Variants in EXOC6B observed in about 807,000 individuals in gnomAD.
EXOC6B encodes exocyst complex component 6B, also known as SEC15 homolog B.
A neutral mutation model predicts 113.5 loss-of-function variants in EXOC6B; 54 were observed. That is an observed-to-expected ratio of 0.48 (90% CI 0.38 to 0.60). The LOEUF (loss-of-function observed/expected upper bound fraction) is 0.60, where lower values mean the gene tolerates loss of function less well. EXOC6B is among the 20% of genes least tolerant of loss of function. The pLI is 0.00. For missense variants in EXOC6B, 797 were observed against 977.5 expected, an observed-to-expected ratio of 0.82 and a Z score of 2.46; for synonymous variants, 357 against 339.0, an observed-to-expected ratio of 1.05 and a Z score of -0.58.
chr2:72,295,343 T>C (rs1686065763), intron 20 of EXOC6B, among the ~76,000 whole-genome samples: 1 of 152,204 alleles, frequency 6.6e-6, no homozygotes, highest in African/African-American at 2.4e-5. Context: ...TATACATATA[T>C]TTCTAATGCC....
chr2:72,205,742 C>T (rs1679803537), intron 20 of EXOC6B, among the ~76,000 whole-genome samples: 1 of 152,206 alleles, frequency 6.6e-6, no homozygotes, highest in African/African-American at 2.4e-5. Flanking sequence ...TTAGCTCTGA[C>T]TCTCAGCAAG....
chr2:72,291,170 T>A (rs1685762675), intron 20 of EXOC6B, among the ~76,000 whole-genome samples: 1 of 152,178 alleles, frequency 6.6e-6, no homozygotes, highest in Non-Finnish European at 1.5e-5. Flanking sequence ...TGACCGAGGA[T>A]ATATTTTTAG....
At chr2:72,183,946 A>G in intron 21 of EXOC6B, 129 bp downstream of exon 21, 2 of 559,020 alleles carry the variant, frequency 3.6e-6, no homozygotes, top group Non-Finnish European at 6.5e-6. Flanking sequence ...GACAGCACCC[A>G]GGGCCTATGG....
chr2:72,338,249 A>G (rs1688809936), intron 19 of EXOC6B, among the ~76,000 whole-genome samples: 3 of 152,198 alleles, frequency 2.0e-5, no homozygotes, highest in Admixed American at 2.0e-4. Flanking sequence ...TAACACATGT[A>G]AAGCAGTTGG....
intron 6 of EXOC6B, among the ~76,000 whole-genome samples, chr2:72,589,496 T>C (rs1406694547): frequency 6.6e-6 from 1 of 151,600 alleles, no homozygotes; most frequent in African/African-American, 2.4e-5. Context: ...ATGTACTGAG[T>C]ATTCAGAATA....
At chr2:72,364,741 T>C (rs1032272042) in intron 19 of EXOC6B, among the ~76,000 whole-genome samples, 1 of 152,150 alleles carries the variant, frequency 6.6e-6, no homozygotes, top group Non-Finnish European at 1.5e-5. Context: ...AATGTGCATG[T>C]ATTTCAGCTT....
At position 72,217,408 on chromosome 2, in the gene EXOC6B, T is replaced by C. The variant is rs1482906404; in HGVS notation, c.2197-33221A>G. On this transcript the variant is annotated intron_variant, in intron 20 of 21. Transcript: ENST00000272427. ...TAAACTCAGTGGCACAGAATCAGGG[T>C]ATTAACTACCTCTGCTACACAGAGT... Among the ~76,000 whole-genome samples, 6 of 152,234 alleles carry C rather than the reference T, an allele frequency of 3.9e-5. No individual in the cohort carries two copies. The East Asian group carries it at 1.2e-3, about 29-fold the overall frequency.
At position 72,493,329 on chromosome 2, in the gene EXOC6B, C is replaced by A. The variant is rs1040805944; in HGVS notation, c.1554-900G>T. 1.8e-4 allele frequency among the ~76,000 whole-genome samples: 26 copies of A among 145,806 alleles called. 1 individual carries two copies. Among genetic ancestry groups the A allele is most frequent in the African/African-American group, 6.4e-4 (24 of 37,394 alleles). Reference sequence around the variant, plus strand: ...CCTTCTCTGTTTTTCTCCCCCCCCCCCCCCCGCATTTTTACATAGGAAGCA... The same window carrying A: ...CCTTCTCTGTTTTTCTCCCCCCCCCACCCCCGCATTTTTACATAGGAAGCA... On this transcript the variant is annotated intron_variant, in intron 15 of 21. Transcript: ENST00000272427.
chr2:72,742,800 A>G (rs1182656312), intron 1 of EXOC6B, among the ~76,000 whole-genome samples: 1 of 152,096 alleles, frequency 6.6e-6, no homozygotes, highest in African/African-American at 2.4e-5. Context: ...ATCTAATTCC[A>G]TGGCTTTAAA....
At chr2:72,591,750 A>C (rs1340485778) in intron 6 of EXOC6B, among the ~76,000 whole-genome samples, 2 of 152,142 alleles carry the variant, frequency 1.3e-5, no homozygotes, top group African/African-American at 4.8e-5. Context: ...AGTAAAAATA[A>C]TCAAGTTTAC....
At chr2:72,757,506 A>T (rs10168698) in intron 1 of EXOC6B, among the ~76,000 whole-genome samples, 1 of 152,114 alleles carries the variant, frequency 6.6e-6, no homozygotes, top group Non-Finnish European at 1.5e-5. Flanking sequence ...ATTAGTGCCA[A>T]CCCCTGCAAT....
intron 20 of EXOC6B, among the ~76,000 whole-genome samples, chr2:72,323,963 C>A (rs1687989072): frequency 6.6e-6 from 1 of 151,506 alleles, no homozygotes; most frequent in East Asian, 1.9e-4. Context: ...TGCACATGTA[C>A]CCCAGAATTT....
chr2:72,248,670 C>G (rs1009012109), intron 20 of EXOC6B, among the ~76,000 whole-genome samples: 1 of 152,030 alleles, frequency 6.6e-6, no homozygotes, highest in Admixed American at 6.6e-5. Context: ...AGTAAATGCT[C>G]GGTAAGTATT....
intron 6 of EXOC6B, among the ~76,000 whole-genome samples, chr2:72,605,287 AAAAAAAAAAAGG>A (rs1299683432): frequency 1.4e-5 from 2 of 147,354 alleles, no homozygotes; most frequent in Admixed American, 1.4e-4. Context: ...CTGTCTCCCA[AAAAAAAAAAAGG>A]AAAAAAAAAA....
At chr2:72,792,921 T>C (rs1684752610) in intron 1 of EXOC6B, among the ~76,000 whole-genome samples, 1 of 152,198 alleles carries the variant, frequency 6.6e-6, no homozygotes, top group African/African-American at 2.4e-5. Flanking sequence ...TTCTTAACTA[T>C]TTTACAAAGG....
At chr2:72,742,801 T>C (rs894000937) in intron 1 of EXOC6B, among the ~76,000 whole-genome samples, 7 of 152,212 alleles carry the variant, frequency 4.6e-5, no homozygotes, top group Non-Finnish European at 5.9e-5. Context: ...TCTAATTCCA[T>C]GGCTTTAAAA....
At chr2:72,722,206 C>T (rs1181400160) in intron 5 of EXOC6B, among the ~76,000 whole-genome samples, 3 of 151,948 alleles carry the variant, frequency 2.0e-5, no homozygotes, top group Non-Finnish European at 2.9e-5. Context: ...GGCAATATTA[C>T]GAGCTAATTT....
chr2:72,708,954 C>A (rs1244312928), intron 6 of EXOC6B, among the ~76,000 whole-genome samples: 1 of 130,134 alleles, frequency 7.7e-6, no homozygotes, highest in East Asian at 2.4e-4. Flanking sequence ...ATGTTGCCCA[C>A]ACTAATCTCA....
chr2:72,190,062 G>A (rs55813510), intron 20 of EXOC6B, among the ~76,000 whole-genome samples: 13,494 of 138,414 alleles, frequency 0.097, 971 homozygotes, highest in African/African-American at 0.22. Flanking sequence ...ACCAGTTCTT[G>A]CTCTGTTGCC....
Sources: gnomAD v4.1 joint callset for allele counts (sites outside exome capture counted in the v4.1 genomes callset) on GRCh38, gnomAD v4.1.1 for gene constraint, MANE v1.5 for transcripts, NCBI Gene and HGNC (gene_info 2026-07-23, HGNC 2026-07-21) for gene names.